SCHIP1: variants seen among roughly 807,000 people sequenced by gnomAD.
The protein encoded by SCHIP1 is schwannomin interacting protein 1.
A neutral mutation model predicts 29.7 loss-of-function variants in SCHIP1; 8 were observed. The observed-to-expected ratio is 0.27, with a 90% confidence interval of 0.16 to 0.49. The LOEUF (loss-of-function observed/expected upper bound fraction) is 0.49. SCHIP1 is among the 20% of genes least tolerant of loss of function. The pLI, the probability that SCHIP1 is intolerant of heterozygous loss-of-function variation, is 0.99. For missense variants in SCHIP1, 193 were observed against 294.6 expected (o/e 0.66, Z 2.52); for synonymous variants, 76 against 94.9 (o/e 0.80, Z 1.16).
chr3:159,491,886 C>G, the SCHIP1 span, among the ~76,000 whole-genome samples: 1 of 152,210 alleles, frequency 6.6e-6, no homozygotes, highest in Non-Finnish European at 1.5e-5. Context: ...CGGCCAGGTA[C>G]TGCTCTGAGA....
chr3:159,692,494 C>T, the SCHIP1 span, among the ~76,000 whole-genome samples: 4 of 152,124 alleles, frequency 2.6e-5, no homozygotes, highest in Admixed American at 6.5e-5. Context: ...CTCTGATATC[C>T]TTTCTTCTGC....
chr3:159,471,228 A>G, the SCHIP1 span, among the ~76,000 whole-genome samples: 1 of 152,146 alleles, frequency 6.6e-6, no homozygotes, highest in East Asian at 1.9e-4. Context: ...ATGTATTTCA[A>G]AGCAAAAGAA....
chr3:159,540,256 G>T, the SCHIP1 span, among the ~76,000 whole-genome samples: 2 of 152,076 alleles, frequency 1.3e-5, no homozygotes, highest in Non-Finnish European at 2.9e-5. Flanking sequence ...TCTCAAACAG[G>T]CTCAGTCACT....
the SCHIP1 span, among the ~76,000 whole-genome samples, chr3:159,321,772 T>C: frequency 6.6e-6 from 1 of 152,102 alleles, no homozygotes; most frequent in East Asian, 1.9e-4. Context: ...AGTCATCACC[T>C]ACGCAGGTAA....
chr3:159,723,511 A>T, the SCHIP1 span, among the ~76,000 whole-genome samples: 1 of 152,340 alleles, frequency 6.6e-6, no homozygotes, highest in South Asian at 2.1e-4. Flanking sequence ...CCATAAGAAC[A>T]TTTTTAATGA....
chr3:159,533,258 G>A, the SCHIP1 span, among the ~76,000 whole-genome samples: 1 of 152,256 alleles, frequency 6.6e-6, no homozygotes, highest in African/African-American at 2.4e-5. Context: ...GTTGGGGAAG[G>A]GGACAGGGCA....
At chr3:159,890,757 C>T (rs1717430461) in intron 5 of SCHIP1, among the ~76,000 whole-genome samples, 1 of 151,956 alleles carries the variant, frequency 6.6e-6, no homozygotes, top group South Asian at 2.1e-4. Flanking sequence ...AAATTTTAGA[C>T]CTCTTTGTGT....
chr3:159,380,619 T>C, the SCHIP1 span, among the ~76,000 whole-genome samples: 1 of 152,182 alleles, frequency 6.6e-6, no homozygotes, highest in Non-Finnish European at 1.5e-5. Context: ...GTATATTGCA[T>C]TTATAATAAT....
chr3:159,704,888 CTTTCTTTCTTTCTTTCTTTAT>C, the SCHIP1 span, among the ~76,000 whole-genome samples: 1 of 76,992 alleles, frequency 1.3e-5, no homozygotes, highest in African/African-American at 1.1e-4. Flanking sequence ...TTCTTTCTTT[CTTTCTTTCTTTCTTTCTTTAT>C]TTCTTTCTTT....
intron 5 of SCHIP1, among the ~76,000 whole-genome samples, chr3:159,889,627 G>A (rs976774645): frequency 2.0e-5 from 3 of 152,042 alleles, no homozygotes; most frequent in Non-Finnish European, 4.4e-5. Context: ...ATAATTATAC[G>A]GTATTACAGA....
the SCHIP1 span, among the ~76,000 whole-genome samples, chr3:159,433,852 C>T: frequency 6.6e-5 from 10 of 152,166 alleles, no homozygotes; most frequent in East Asian, 5.8e-4. Context: ...AAGTAGGTGC[C>T]GAATAAATAT....
chr3:159,415,696 A>G, the SCHIP1 span, among the ~76,000 whole-genome samples: 1 of 152,160 alleles, frequency 6.6e-6, no homozygotes, highest in Non-Finnish European at 1.5e-5. Context: ...TCTGTCACTG[A>G]TGGGCATTTA....
At chr3:159,292,575 G>A in the SCHIP1 span, among the ~76,000 whole-genome samples, 1 of 152,034 alleles carries the variant, frequency 6.6e-6, no homozygotes, top group Non-Finnish European at 1.5e-5. Flanking sequence ...AGGAGAGGAG[G>A]GGAACCCAGA....
chr3:159,598,739 A>G, the SCHIP1 span, among the ~76,000 whole-genome samples: 1 of 152,158 alleles, frequency 6.6e-6, no homozygotes, highest in Non-Finnish European at 1.5e-5. Flanking sequence ...GAGTTTCATT[A>G]AGCAATAAAT....
the SCHIP1 span, among the ~76,000 whole-genome samples, chr3:159,714,479 G>T: frequency 1.3e-5 from 2 of 152,204 alleles, no homozygotes; most frequent in South Asian, 2.1e-4. Flanking sequence ...AGAAGTCGGG[G>T]AATTCCCTTT....
At chr3:159,557,120 G>C in the SCHIP1 span, among the ~76,000 whole-genome samples, 7 of 151,496 alleles carry the variant, frequency 4.6e-5, no homozygotes, top group Non-Finnish European at 8.8e-5. Flanking sequence ...ACCACGCCCG[G>C]CTAATTTTTT....
chr3:159,711,240 A>C, the SCHIP1 span, among the ~76,000 whole-genome samples: 4 of 81,304 alleles, frequency 4.9e-5, 2 homozygotes, highest in African/African-American at 6.2e-4. Flanking sequence ...GGGCGCCTGT[A>C]GTCCCAGCTA....
chr3:159,626,251 TATAGATAGATAGATAGATAG>T, the SCHIP1 span, among the ~76,000 whole-genome samples: 23 of 93,736 alleles, frequency 2.5e-4, no homozygotes, highest in Non-Finnish European at 4.5e-4. Context: ...TATCTATCTA[TATAGATAGATAGATAGATAG>T]ATAGATAGAT....
the SCHIP1 span, among the ~76,000 whole-genome samples, chr3:159,366,189 G>A: frequency 1.3e-5 from 2 of 152,042 alleles, no homozygotes; most frequent in East Asian, 1.9e-4. Context: ...GAAAGAGAGT[G>A]GGCTGGGAGG....
Sources: allele counts gnomAD v4.1 joint callset (sites outside exome capture counted in the v4.1 genomes callset), GRCh38; gene constraint gnomAD v4.1.1; transcripts MANE v1.5; gene names NCBI Gene and HGNC (gene_info 2026-07-23, HGNC 2026-07-21).